The following PRKCA variants were observed in gnomAD, a reference collection of about 807,000 sequenced individuals.
PRKCA encodes protein kinase C alpha type.
A neutral mutation model predicts 87.0 loss-of-function variants in PRKCA; 27 were observed. The observed-to-expected ratio is 0.31, with a 90% CI of 0.23 to 0.43. The LOEUF is 0.43. Among genes scored for constraint, PRKCA ranks in the 20% least tolerant of loss-of-function variants. The pLI is 1.00. For synonymous variants in PRKCA, 329 were observed against 311.1 expected (o/e 1.06, Z -0.61); for missense variants, 518 against 852.3 (o/e 0.61, Z 4.88).
intron 16 of PRKCA, among the ~76,000 whole-genome samples, chr17:66,796,168 T>C (rs1462681566): frequency 2.0e-5 from 3 of 152,204 alleles, no homozygotes; most frequent in Admixed American, 6.5e-5. Context: ...GAGAAGGGCA[T>C]AAATGAAAAG....
intron 14 of PRKCA, chr17:66,775,219 G>C: frequency 1.0e-6 from 1 of 969,912 alleles, no homozygotes; most frequent in Non-Finnish European, 1.2e-6. Context: ...CCCATGTGGG[G>C]GTGGGGCACT....
intron 5 of PRKCA, among the ~76,000 whole-genome samples, chr17:66,652,625 G>T (rs942151160): frequency 3.9e-5 from 6 of 152,164 alleles, no homozygotes; most frequent in African/African-American, 1.2e-4. Flanking sequence ...ACCTGTGGCG[G>T]AATAATAGTG....
chr17:66,657,785 C>T lies in PRKCA; in HGVS notation c.529+12274C>T, dbSNP rs950952286. ...ACCCTGAAGTCTGTTTCAATCCCTC[C>T]CACCCCAATATGGCAGGGACTCTGT... On this transcript the variant is annotated intron_variant, in intron 5 of 16. Coordinates refer to ENST00000413366, the MANE Select transcript of PRKCA (RefSeq NM_002737.3). Among the ~76,000 whole-genome samples, 7 of 152,214 alleles carry T rather than the reference C, an allele frequency of 4.6e-5. No homozygotes were observed. In the South Asian group the frequency reaches 1.5e-3, roughly 32 times the overall value.
intron 2 of PRKCA, among the ~76,000 whole-genome samples, chr17:66,456,690 T>C (rs865917265): frequency 6.6e-6 from 1 of 152,078 alleles, no homozygotes; most frequent in South Asian, 2.1e-4. Context: ...GTGAATGAAA[T>C]AGATGGCAGA....
intron 8 of PRKCA, among the ~76,000 whole-genome samples, chr17:66,721,049 T>C (rs1188930601): frequency 6.6e-6 from 1 of 152,044 alleles, no homozygotes; most frequent in Non-Finnish European, 1.5e-5. Flanking sequence ...GAAGAAAGAA[T>C]TTGGGGCAAG....
At chr17:66,737,691 C>T (rs371880537) in intron 10 of PRKCA, among the ~76,000 whole-genome samples, 2 of 152,180 alleles carry the variant, frequency 1.3e-5, no homozygotes, top group Admixed American at 6.5e-5. Context: ...CTAGCGCTGG[C>T]GGCACGTTGA....
intron 3 of PRKCA, among the ~76,000 whole-genome samples, chr17:66,542,994 C>T (rs907604619): frequency 4.6e-5 from 7 of 152,132 alleles, no homozygotes; most frequent in African/African-American, 1.4e-4. Flanking sequence ...ATTGTTTCAT[C>T]TATAGGCATC....
intron 2 of PRKCA, among the ~76,000 whole-genome samples, chr17:66,404,360 T>G (rs555446078): frequency 1.3e-5 from 2 of 152,310 alleles, no homozygotes; most frequent in East Asian, 3.9e-4. Flanking sequence ...CTGGTTCCTA[T>G]TCTTGACTCC....
chr17:66,576,668 C>A (rs535929055), intron 3 of PRKCA, among the ~76,000 whole-genome samples: 69 of 152,118 alleles, frequency 4.5e-4, no homozygotes, highest in African/African-American at 1.6e-3. Context: ...TTTGATGGTT[C>A]GGCTAGTCAT....
intron 2 of PRKCA, among the ~76,000 whole-genome samples, chr17:66,485,730 G>A (rs1255214318): frequency 6.6e-6 from 1 of 152,144 alleles, no homozygotes; most frequent in Non-Finnish European, 1.5e-5. Context: ...AACAAGTCCT[G>A]TTCCACTACA....
At chr17:66,559,359 C>A (rs931297123) in intron 3 of PRKCA, among the ~76,000 whole-genome samples, 1 of 151,266 alleles carries the variant, frequency 6.6e-6, no homozygotes, top group Non-Finnish European at 1.5e-5. Context: ...GCCTGTAATC[C>A]CAGCTACTCA....
intron 13 of PRKCA, among the ~76,000 whole-genome samples, chr17:66,749,081 G>C (rs937632493): frequency 6.7e-6 from 1 of 148,290 alleles, no homozygotes; most frequent in South Asian, 2.2e-4. Flanking sequence ...GTGACACCAG[G>C]ACAGGCGGGT....
At chr17:66,612,773 G>A (rs1970405739) in intron 3 of PRKCA, among the ~76,000 whole-genome samples, 2 of 151,676 alleles carry the variant, frequency 1.3e-5, no homozygotes, top group South Asian at 2.1e-4. Context: ...AAACTCAAGA[G>A]ATAAGTACCT....
chr17:66,763,514 G>T (rs1974732785), intron 13 of PRKCA, among the ~76,000 whole-genome samples: 1 of 152,204 alleles, frequency 6.6e-6, no homozygotes, highest in Non-Finnish European at 1.5e-5. Flanking sequence ...TACATGTAAA[G>T]AGTGCCTCTG....
At chr17:66,549,146 T>G (rs1363365283) in intron 3 of PRKCA, among the ~76,000 whole-genome samples, 2 of 151,554 alleles carry the variant, frequency 1.3e-5, no homozygotes, top group Non-Finnish European at 2.9e-5. Flanking sequence ...TGGCAGTTTT[T>G]TTTTTTTTTT....
chr17:66,630,775 T>G (rs1216468526), intron 3 of PRKCA, among the ~76,000 whole-genome samples: 1 of 152,234 alleles, frequency 6.6e-6, no homozygotes, highest in African/African-American at 2.4e-5. Context: ...TTGAAACTAC[T>G]TTCAGTTGAA....
Position 66,523,508 on chromosome 17 carries a change from A to G in PRKCA, c.288+27225A>G, listed in dbSNP as rs894139739. ...TGGGATGAATTAGATGAAATAATGC[A>G]TTTAAAATGCCTAGCTCTTTGCCCA... On this transcript the variant is annotated intron_variant, in intron 3 of 16. Transcript: ENST00000413366. Among the ~76,000 whole-genome samples the G allele has an allele frequency of 4.6e-5, 7 of 152,202 alleles. 1 individual carries two copies. Among genetic ancestry groups the G allele is most frequent in the African/African-American group, 1.2e-4 (5 of 41,446 alleles).
intron 2 of PRKCA, among the ~76,000 whole-genome samples, chr17:66,402,339 G>A (rs1256954506): frequency 6.6e-6 from 1 of 152,088 alleles, no homozygotes; most frequent in Non-Finnish European, 1.5e-5. Flanking sequence ...GTTTATAATG[G>A]CAGTAGAGTG....
At chr17:66,733,418 C>G (rs767440541) in intron 9 of PRKCA, among the ~76,000 whole-genome samples, 50 of 152,128 alleles carry the variant, frequency 3.3e-4, no homozygotes, top group Admixed American at 3.9e-4. Context: ...GTGAGGGAAG[C>G]CTAGCACAGG....
Sources: gnomAD v4.1 joint callset for allele counts (sites outside exome capture counted in the v4.1 genomes callset) on GRCh38, gnomAD v4.1.1 for gene constraint, MANE v1.5 for transcripts, NCBI Gene and HGNC (gene_info 2026-07-23, HGNC 2026-07-21) for gene names.